SORCS2: variants seen among roughly 807,000 people sequenced by gnomAD.
SORCS2 encodes sortilin related VPS10 domain containing receptor 2.
In SORCS2, 100 loss-of-function variants were observed where a neutral mutation model predicts 141.6. That is an observed-to-expected ratio of 0.71 (90% CI 0.60 to 0.83). The LOEUF (loss-of-function observed/expected upper bound fraction) is 0.83, where lower values mean the gene tolerates loss of function less well. Among genes scored for constraint, SORCS2 ranks in the 40% least tolerant of loss-of-function variants. The probability of loss-of-function intolerance (pLI) is 0.00; values close to 1 mark genes in which losing one functional copy is unlikely to be tolerated. For synonymous variants in SORCS2, 789 were observed against 676.9 expected (o/e 1.17, Z -2.57); for missense variants, 1,646 against 1,560.2 (o/e 1.05, Z -0.93).
chr4:7,501,441 C>G (rs60213111), intron 2 of SORCS2, among the ~76,000 whole-genome samples: 56 of 152,290 alleles, frequency 3.7e-4, no homozygotes, highest in African/African-American at 1.3e-3. Flanking sequence ...GGACACGGTG[C>G]CATGAGCTCC....
At chr4:7,543,879 CCCACCCACCCACCCATCCATCCAT>C (rs1712992888) in intron 3 of SORCS2, among the ~76,000 whole-genome samples, 1 of 18,230 alleles carries the variant, frequency 5.5e-5, no homozygotes, top group African/African-American at 1.4e-4. Flanking sequence ...CATCCAGCCA[CCCACCCACCCACCCATCCATCCAT>C]CCACCCATCC....
At chr4:7,637,342 C>T (rs916103923) in intron 3 of SORCS2, among the ~76,000 whole-genome samples, 8 of 152,220 alleles carry the variant, frequency 5.3e-5, no homozygotes, top group East Asian at 1.9e-4. Context: ...TGGGGACCCC[C>T]GGCTCAGCGT....
intron 9 of SORCS2, 35 bp from the exon 10 acceptor site, chr4:7,682,708 G>C: frequency 6.3e-7 from 1 of 1,583,368 alleles, no homozygotes; most frequent in Non-Finnish European, 8.6e-7. Context: ...GTGCTCCAGT[G>C]TAAGTTTACA....
chr4:7,255,900 G>A (rs1434157894), intron 1 of SORCS2, among the ~76,000 whole-genome samples: 74 of 5,866 alleles, frequency 0.013, no homozygotes, highest in Middle Eastern at 0.033. Context: ...GGGACCCGGG[G>A]CTGGAGCGTG....
At chr4:7,506,558 C>CA (rs1732289616) in intron 2 of SORCS2, among the ~76,000 whole-genome samples, 1 of 151,964 alleles carries the variant, frequency 6.6e-6, no homozygotes. Context: ...GCAAGATGAA[C>CA]AGTGGAACCC....
chr4:7,243,752 T>TC (rs201148059), intron 1 of SORCS2, among the ~76,000 whole-genome samples: 11 of 151,730 alleles, frequency 7.2e-5, no homozygotes, highest in Admixed American at 2.0e-4. Context: ...GGCGTGGGGA[T>TC]CCCCCCCCAC....
intron 14 of SORCS2, among the ~76,000 whole-genome samples, chr4:7,707,229 G>A (rs2109024393): frequency 6.6e-6 from 1 of 152,320 alleles, no homozygotes; most frequent in South Asian, 2.1e-4. Context: ...GGTGCCAGGA[G>A]TGTTGGCAAC....
intron 8 of SORCS2, among the ~76,000 whole-genome samples, chr4:7,672,410 G>T (rs1722855222): frequency 6.6e-6 from 1 of 152,166 alleles, no homozygotes; most frequent in Admixed American, 6.5e-5. Flanking sequence ...TTTGATGAAG[G>T]TGTTGGTTCA....
At chr4:7,271,221 G>A (rs1398276211) in intron 1 of SORCS2, among the ~76,000 whole-genome samples, 1 of 152,124 alleles carries the variant, frequency 6.6e-6, no homozygotes, top group Non-Finnish European at 1.5e-5. Context: ...TCTGCCCTGG[G>A]GATGTCGCTC....
rs996303448 is a variant in SORCS2, at chr4:7,286,906, G to A, written c.480+93780G>A. ...AGCTTCAGTAGCTGAAAGTGGGTCC[G>A]AGTGAGGAGACACAAGTCAGCAGAG... On this transcript the variant is annotated intron_variant, in intron 1 of 26. Transcript: ENST00000507866. The surrounding 1 kb of genome is among the most constrained non-coding windows in gnomAD (Gnocchi z 4.1). 1.1e-4 allele frequency among the ~76,000 whole-genome samples: 16 copies of A among 152,196 alleles called. No homozygotes were observed. Among genetic ancestry groups the A allele is most frequent in the East Asian group, 1.9e-4 (1 of 5,186 alleles).
At chr4:7,260,451 C>G (rs1714246270) in intron 1 of SORCS2, among the ~76,000 whole-genome samples, 1 of 152,192 alleles carries the variant, frequency 6.6e-6, no homozygotes, top group Non-Finnish European at 1.5e-5. Flanking sequence ...GACTGATGGG[C>G]TGGTCTAGGA....
intron 3 of SORCS2, among the ~76,000 whole-genome samples, chr4:7,579,056 A>T (rs1715966438): frequency 6.6e-6 from 1 of 152,036 alleles, no homozygotes; most frequent in African/African-American, 2.4e-5. Flanking sequence ...TTCAGTATTT[A>T]TGGAGGCTGG....
At chr4:7,313,039 G>A (rs1381092269) in intron 1 of SORCS2, among the ~76,000 whole-genome samples, 2 of 152,206 alleles carry the variant, frequency 1.3e-5, no homozygotes, top group Non-Finnish European at 2.9e-5. Context: ...AGGACTGGGG[G>A]TCCTCTAGGA....
At chr4:7,266,010 C>T (rs1714700829) in intron 1 of SORCS2, among the ~76,000 whole-genome samples, 1 of 152,216 alleles carries the variant, frequency 6.6e-6, no homozygotes, top group Admixed American at 6.5e-5. Context: ...TGTCATCCTA[C>T]CTGTCTCCCT....
At chr4:7,573,306 C>T (rs989724945) in intron 3 of SORCS2, among the ~76,000 whole-genome samples, 3 of 152,172 alleles carry the variant, frequency 2.0e-5, no homozygotes, top group African/African-American at 7.2e-5. Flanking sequence ...ATAAAATTAG[C>T]CACTCCAGAG....
chr4:7,638,499 T>C lies in SORCS2; in HGVS notation c.813+7T>C, dbSNP rs888008579. 1.2e-6 allele frequency: 2 copies of C among 1,607,332 alleles called. No individual in the cohort carries two copies. Among genetic ancestry groups the C allele is most frequent in the Non-Finnish European group, 1.7e-6 (2 of 1,177,782 alleles). On this transcript the variant is annotated splice_region_variant and intron_variant, in intron 4 of 26. Coordinates refer to ENST00000507866, the MANE Select transcript of SORCS2 (RefSeq NM_020777.3). The stretch of plus-strand genomic sequence containing the variant: ...CTACACAAAGGAGAGCAAGGTAAGA[T>C]ATATGGGTGCCAGTCGCCTGGTCTG...
intron 12 of SORCS2, among the ~76,000 whole-genome samples, chr4:7,702,587 C>T (rs1725158313): frequency 6.6e-6 from 1 of 152,252 alleles, no homozygotes; most frequent in African/African-American, 2.4e-5. Flanking sequence ...TCAGTATCCA[C>T]TCCTGGGTAA....
At chr4:7,367,331 C>T (rs1721958446) in intron 1 of SORCS2, among the ~76,000 whole-genome samples, 1 of 152,240 alleles carries the variant, frequency 6.6e-6, no homozygotes, top group Non-Finnish European at 1.5e-5. Flanking sequence ...TGGGGAAGCA[C>T]AGGCCATTTG....
intron 3 of SORCS2, among the ~76,000 whole-genome samples, chr4:7,544,018 A>G (rs868570431): frequency 9.3e-4 from 132 of 141,838 alleles, no homozygotes; most frequent in African/African-American, 3.4e-3. Flanking sequence ...CCATCCACCC[A>G]TCCATCCATC....
Sources: allele counts gnomAD v4.1 joint callset (sites outside exome capture counted in the v4.1 genomes callset), GRCh38; gene constraint gnomAD v4.1.1; non-coding constraint Gnocchi (gnomAD v3.1); transcripts MANE v1.5; gene names NCBI Gene and HGNC (gene_info 2026-07-23, HGNC 2026-07-21).